UNC13B: variants seen among roughly 807,000 people sequenced by gnomAD.
The protein encoded by UNC13B is unc-13 homolog B, also known as protein unc-13 homolog B.
Under a neutral mutation model 211.0 loss-of-function variants are expected in UNC13B, and 144 were observed. That is an observed-to-expected ratio of 0.68 (90% CI 0.60 to 0.78). UNC13B has a LOEUF of 0.78. UNC13B is among the 30% of genes least tolerant of loss of function. The pLI, the probability that UNC13B is intolerant of heterozygous loss-of-function variation, is 0.00. For synonymous variants in UNC13B, 709 were observed against 725.8 expected (o/e 0.98, Z 0.37); for missense variants, 1,777 against 2,002.0 (o/e 0.89, Z 2.14).
At position 35,392,442 on chromosome 9, in the gene UNC13B, G is replaced by A. The variant is rs529976548; in HGVS notation, c.11308+1728G>A. 5.3e-5 allele frequency among the ~76,000 whole-genome samples: 8 copies of A among 152,252 alleles called. 1 individual carries two copies. In the South Asian group the frequency reaches 1.7e-3, roughly 32 times the overall value. ...GGAGAATGGGCTTTGATAGACATTG[G>A]AAGGAAGCCAGAACAGGACTTCGTG... is the stretch of plus-strand genomic sequence containing the variant. On this transcript the variant is annotated intron_variant, in intron 26 of 39. Transcript: ENST00000635942.
rs564510472 is a variant in UNC13B at position 35,405,294 on chromosome 9, C to G, written c.*1261C>G. On this transcript the variant is annotated 3_prime_UTR_variant, in exon 40 of 40. Transcript: ENST00000635942. ...TTAATTATTATATGTGCCATTGTTA[C>G]AGGAGATTATAGGCTAGTCTGTAAT... 2.6e-5 allele frequency: 4 copies of G among 152,730 alleles called. No individual in the cohort carries two copies. In the South Asian group the frequency reaches 8.3e-4, roughly 32 times the overall value. The allele number at this position is 152,730 out of a possible 1,614,324, so 9.5% of individuals were successfully genotyped here. A position where few individuals can be genotyped will look rare whatever the true frequency, so the allele number is the denominator to read the frequency against.
In UNC13B at chr9:35,304,660, T is replaced by G. The variant is rs1191484348; in HGVS notation, c.5256T>G (p.Ala1752=). The change falls in exon 9 of 40, where the codon GCT becomes GCG. Residue 1752 remains alanine, a synonymous_variant. Transcript: ENST00000635942. ...AEETSLVNKV[A]SVFSVLGASV... is the part of the protein sequence containing the mutation. ...AGACATCATTAGTGAACAAAGTGGC[T>G]TCAGTATTTTCTGTTTTGGGTGCCT... 2.5e-6 allele frequency: 1 copy of G among 398,694 alleles called. No individual in the cohort carries two copies. Among genetic ancestry groups the G allele is most frequent in the Non-Finnish European group, 4.4e-6 (1 of 225,946 alleles). The allele number at this position is 398,694 out of a possible 1,614,324, so 24.7% of individuals were successfully genotyped here.
At chr9:35,335,081 C>A (rs1486743984) in intron 11 of UNC13B, among the ~76,000 whole-genome samples, 1 of 152,072 alleles carries the variant, frequency 6.6e-6, no homozygotes. Context: ...ATTACACGGC[C>A]CTAAGTAACT....
At position 35,375,184 on chromosome 9, in the gene UNC13B, C is replaced by A. The variant is rs1834317108; in HGVS notation, c.9598C>A (p.Leu3200Ile). ...TTCTGCAATGGCTACACGCACTTCT[C>A]TTAAGGACGAAGAGCTGGTAAGTGT... is the stretch of plus-strand genomic sequence containing the variant. ...ITSAMATRTS[L>I]KDEELKSHVY... Residue 3200 changes from leucine (L) to isoleucine (I), a missense_variant, in exon 14 of 40, where the codon CTT becomes ATT. Coordinates refer to ENST00000635942, the MANE Select transcript of UNC13B (RefSeq NM_001371189.2). 1 of 1,614,018 alleles carries A rather than the reference C, an allele frequency of 6.2e-7. No homozygotes were observed. Among genetic ancestry groups the A allele is most frequent in the African/African-American group, 1.3e-5 (1 of 74,948 alleles).
chr9:35,379,002 A>G (rs1834640412), intron 17 of UNC13B, among the ~76,000 whole-genome samples: 1 of 152,190 alleles, frequency 6.6e-6, no homozygotes, highest in South Asian at 2.1e-4. Flanking sequence ...TATGACAGTA[A>G]AGGATGGTTA....
intron 1 of UNC13B, among the ~76,000 whole-genome samples, chr9:35,221,249 TG>T (rs1310188772): frequency 3.9e-5 from 6 of 152,108 alleles, no homozygotes; most frequent in African/African-American, 1.4e-4. Context: ...TGTGTATTTT[TG>T]GTAAAGACGA....
intron 1 of UNC13B, among the ~76,000 whole-genome samples, chr9:35,218,501 A>G (rs945326600): frequency 7.2e-5 from 11 of 151,916 alleles, no homozygotes; most frequent in South Asian, 4.2e-4. Flanking sequence ...GGCATGATCA[A>G]GGCTCACGGC....
At chr9:35,371,655 A>G (rs934338743) in intron 13 of UNC13B, among the ~76,000 whole-genome samples, 4 of 151,378 alleles carry the variant, frequency 2.6e-5, no homozygotes, top group Non-Finnish European at 5.9e-5. Flanking sequence ...CTGTTTGCCC[A>G]TGAGCAAGTA....
At chr9:35,352,788 C>T in intron 11 of UNC13B, 2 of 1,232,176 alleles carry the variant, frequency 1.6e-6, no homozygotes, top group Non-Finnish European at 1.0e-6. Flanking sequence ...TCTCTGTCTA[C>T]CCCCCATCAG....
intron 3 of UNC13B, among the ~76,000 whole-genome samples, chr9:35,232,207 A>C (rs1394204161): frequency 8.9e-5 from 1 of 11,220 alleles, no homozygotes; most frequent in Non-Finnish European, 1.8e-4. Flanking sequence ...TTGAGGCAGG[A>C]TCTCACTCTC....
chr9:35,274,233 ATTCTT>A (rs1587518877), intron 7 of UNC13B, among the ~76,000 whole-genome samples: 1 of 152,040 alleles, frequency 6.6e-6, no homozygotes. Flanking sequence ...TAGTACTAGC[ATTCTT>A]TTCTTTTCTT....
At chr9:35,287,489 G>T (rs896142656) in intron 7 of UNC13B, among the ~76,000 whole-genome samples, 1 of 152,138 alleles carries the variant, frequency 6.6e-6, no homozygotes, top group African/African-American at 2.4e-5. Context: ...CAGCCTCACT[G>T]ACGCTTTGGA....
At chr9:35,250,422 CAT>C (rs1319635100) in intron 6 of UNC13B, among the ~76,000 whole-genome samples, 1 of 152,182 alleles carries the variant, frequency 6.6e-6, no homozygotes, top group East Asian at 1.9e-4. Context: ...AATTATATAA[CAT>C]GTGGTCCTTT....
At position 35,348,925 on chromosome 9, in the gene UNC13B, A is replaced by T. The variant is rs543732001; in HGVS notation, c.9415-18022A>T. On this transcript the variant is annotated intron_variant, in intron 11 of 39. Transcript: ENST00000635942. ...TTTACTAAGCTTACTAAGCAATTCTAATTTTTTTTTTTGAGACAGTCTTGC... is the reference window on the plus strand; with the variant it reads ...TTTACTAAGCTTACTAAGCAATTCTTATTTTTTTTTTTGAGACAGTCTTGC... Among the ~76,000 whole-genome samples the T allele has an allele frequency of 2.4e-3, 357 of 150,906 alleles. 2 individuals carry two copies. In the Middle Eastern group the frequency reaches 0.027, roughly 12 times the overall value.
At chr9:35,314,086 T>C (rs970151123) in intron 11 of UNC13B, 97 bp downstream of exon 11, 1 of 981,272 alleles carries the variant, frequency 1.0e-6, no homozygotes, top group African/African-American at 1.6e-5. Context: ...GTCATCTTCT[T>C]ACAGTGTGCT....
chr9:35,394,520 CAGG>C (rs1180722302), intron 26 of UNC13B, among the ~76,000 whole-genome samples: 2 of 152,188 alleles, frequency 1.3e-5, no homozygotes, highest in Non-Finnish European at 2.9e-5. Flanking sequence ...TGCTTGAACC[CAGG>C]AGGCAGAGGT....
At position 35,263,974 on chromosome 9, in the gene UNC13B, G is replaced by A. The variant is rs562981754; in HGVS notation, c.526+4924G>A. On this transcript the variant is annotated intron_variant, in intron 7 of 39. Transcript: ENST00000635942. ...GTTACTTAAGACACCCAGTCTAAGT[G>A]ATTTCGTTAAGGCAATCCAAGAAGA... Among the ~76,000 whole-genome samples the A allele has an allele frequency of 5.9e-5, 9 of 152,314 alleles. No homozygotes were observed. In the South Asian group the frequency reaches 1.7e-3, roughly 28 times the overall value.
chr9:35,193,264 A>G (rs575393720), intron 1 of UNC13B, among the ~76,000 whole-genome samples: 1 of 152,148 alleles, frequency 6.6e-6, no homozygotes, highest in Non-Finnish European at 1.5e-5. Flanking sequence ...TAAAGTGTTT[A>G]CCCTTAGAGA....
rs1048531002 is a variant in UNC13B at position 35,203,445 on chromosome 9, G to A, written c.23-24570G>A. 4.6e-5 allele frequency among the ~76,000 whole-genome samples: 7 copies of A among 152,252 alleles called. No individual in the cohort carries two copies. The East Asian group carries it at 5.8e-4, about 13-fold the overall frequency. On this transcript the variant is annotated intron_variant, in intron 1 of 39. Coordinates refer to ENST00000635942, the MANE Select transcript of UNC13B (RefSeq NM_001371189.2). ...TAGTTTGGCTGGATATGAAATTCTG[G>A]GTTGAAAATTCTTTTCTTTACGAAT...
Sources: allele counts gnomAD v4.1 joint callset (sites outside exome capture counted in the v4.1 genomes callset), GRCh38; gene constraint gnomAD v4.1.1; transcripts MANE v1.5; gene names NCBI Gene and HGNC (gene_info 2026-07-23, HGNC 2026-07-21).